Variants in CMYA5 observed in about 807,000 individuals in gnomAD.
CMYA5 encodes cardiomyopathy associated 5.
A neutral mutation model predicts 318.9 loss-of-function variants in CMYA5; 246 were observed. The ratio of observed to expected loss-of-function variants is 0.77; its 90% CI spans 0.70 to 0.86. The LOEUF is 0.86. CMYA5 is among the 40% of genes least tolerant of loss of function. The pLI is 0.00. For missense variants in CMYA5, 4,589 were observed against 4,678.2 expected (o/e 0.98, Z 0.56); for synonymous variants, 1,641 against 1,729.5 (o/e 0.95, Z 1.27).
intron 1 of CMYA5, among the ~76,000 whole-genome samples, chr5:79,722,746 C>G (rs1012668345): frequency 6.8e-6 from 1 of 147,526 alleles, no homozygotes; most frequent in East Asian, 2.0e-4. Context: ...ATCGAGATGA[C>G]ACAACCAGTA....
chr5:79,702,620 G>A (rs1472246309), intron 1 of CMYA5, among the ~76,000 whole-genome samples: 1 of 152,142 alleles, frequency 6.6e-6, no homozygotes, highest in Non-Finnish European at 1.5e-5. Context: ...AGGGATTAGG[G>A]GTGATGCTTT....
intron 1 of CMYA5, among the ~76,000 whole-genome samples, chr5:79,705,220 C>A (rs765672684): frequency 6.6e-6 from 1 of 152,138 alleles, no homozygotes; most frequent in Non-Finnish European, 1.5e-5. Flanking sequence ...TGCAGTGAGG[C>A]GAGATCGTGC....
intron 6 of CMYA5, among the ~76,000 whole-genome samples, chr5:79,753,316 TCCTGCCAGCTCTTCACAATA>T (rs1828467749): frequency 3.9e-5 from 6 of 152,168 alleles, no homozygotes; most frequent in African/African-American, 1.4e-4. Context: ...GTCAGAAGCA[TCCTGCCAGCTCTTCACAATA>T]TTTTTTAATG....
Position 79,726,814 on chromosome 5 carries a change from G to A in CMYA5, c.150-2101G>A, listed in dbSNP as rs1168611279. 5.9e-5 allele frequency among the ~76,000 whole-genome samples: 9 copies of A among 151,984 alleles called. No homozygotes were observed. In the South Asian group the frequency reaches 1.9e-3, roughly 32 times the overall value. On this transcript the variant is annotated intron_variant, in intron 1 of 12. Coordinates refer to ENST00000446378, the MANE Select transcript of CMYA5 (RefSeq NM_153610.5). ...GCACCTGCAAGGACTTATGGTCCTGGTCCCCACCCAACCTAACAAACCAGG... is the reference window on the plus strand; with the variant it reads ...GCACCTGCAAGGACTTATGGTCCTGATCCCCACCCAACCTAACAAACCAGG...
Position 79,702,367 on chromosome 5 carries a change from C to A in CMYA5, c.149+12311C>A, listed in dbSNP as rs201506959. Reference sequence around the variant, plus strand: ...GGCCACTGCACTCTAGCCTGGGCAACAGAGCAAGACCCTGTCTCAAAAAAA... The same window carrying A: ...GGCCACTGCACTCTAGCCTGGGCAAAAGAGCAAGACCCTGTCTCAAAAAAA... On this transcript the variant is annotated intron_variant, in intron 1 of 12. Coordinates refer to ENST00000446378, the MANE Select transcript of CMYA5 (RefSeq NM_153610.5). Among the ~76,000 whole-genome samples the A allele has an allele frequency of 2.0e-5, 3 of 151,914 alleles. No individual in the cohort carries two copies. The East Asian group carries it at 5.8e-4, about 29-fold the overall frequency.
Position 79,735,825 on chromosome 5 carries a change from C to T in CMYA5, c.7060C>T (p.Pro2354Ser), listed in dbSNP as rs756547618. The change falls in exon 2 of 13, where the codon CCA (proline) becomes TCA (serine). Residue 2354 changes from proline to serine, a missense_variant. Transcript: ENST00000446378. ...AGTCCAGAAGCCAGCAATCGCTCCT[C>T]CATCTAAATGGAATATTTCTATTTT... ...KRVQKPAIAPPSKWNISIFKE... is the reference protein window; with the variant it reads ...KRVQKPAIAPSSKWNISIFKE... 27 of 1,550,690 alleles carry T rather than the reference C, an allele frequency of 1.7e-5. No homozygotes were observed. Among genetic ancestry groups the T allele is most frequent in the Admixed American group, 8.7e-5 (4 of 46,002 alleles).
At chr5:79,760,371 T>A (rs1296107507) in intron 7 of CMYA5, among the ~76,000 whole-genome samples, 1 of 152,062 alleles carries the variant, frequency 6.6e-6, no homozygotes, top group African/African-American at 2.4e-5. Flanking sequence ...TTAAAGGGAG[T>A]GCCAGGGTAA....
intron 1 of CMYA5, among the ~76,000 whole-genome samples, chr5:79,718,466 T>C (rs577502390): frequency 2.0e-5 from 3 of 152,210 alleles, no homozygotes; most frequent in Non-Finnish European, 4.4e-5. Flanking sequence ...ACAATTGATA[T>C]TTAATGCATT....
At chr5:79,727,441 G>A (rs566926338) in intron 1 of CMYA5, among the ~76,000 whole-genome samples, 5 of 152,294 alleles carry the variant, frequency 3.3e-5, no homozygotes, top group African/African-American at 1.2e-4. Context: ...AACAGTTTAC[G>A]AAGGGACATA....
chr5:79,748,887 A>G (rs1313491499), intron 5 of CMYA5, among the ~76,000 whole-genome samples: 1 of 152,180 alleles, frequency 6.6e-6, no homozygotes, highest in African/African-American at 2.4e-5. Flanking sequence ...GTGCCATTCC[A>G]TCTATACTGG....
In CMYA5 at chr5:79,734,785, G is replaced by A. The variant is rs1304151610; in HGVS notation, c.6020G>A (p.Gly2007Glu). The A allele has an allele frequency of 6.8e-6, 11 of 1,613,650 alleles. No homozygotes were observed. Among genetic ancestry groups the A allele is most frequent in the African/African-American group, 2.7e-5 (2 of 74,908 alleles). Residue 2007 changes from glycine to glutamate, a missense_variant, in exon 2 of 13, where the codon GGG (glycine) becomes GAG (glutamate). By Grantham distance (98) the Gly-to-Glu change is moderately conservative. Transcript: ENST00000446378. ...AATGTAGAGAGAAACATAGCAGAGGGGAAGGAGATTCATTCTTTGATGGAG... is the reference window on the plus strand; with the variant it reads ...AATGTAGAGAGAAACATAGCAGAGGAGAAGGAGATTCATTCTTTGATGGAG... ...AGNVERNIAEGKEIHSLMESE... is the reference protein window; with the variant it reads ...AGNVERNIAEEKEIHSLMESE...
At chr5:79,775,939 C>T (rs1237337247) in intron 9 of CMYA5, among the ~76,000 whole-genome samples, 1 of 152,164 alleles carries the variant, frequency 6.6e-6, no homozygotes, top group Admixed American at 6.6e-5. Flanking sequence ...TGATACCATT[C>T]AGCCTTTGGA....
At chr5:79,724,876 A>C (rs960098385) in intron 1 of CMYA5, among the ~76,000 whole-genome samples, 1 of 152,080 alleles carries the variant, frequency 6.6e-6, no homozygotes, top group Non-Finnish European at 1.5e-5. Flanking sequence ...CTGTTTATTC[A>C]TGCTACATTT....
Position 79,735,432 on chromosome 5 carries a change from A to G in CMYA5, c.6667A>G (p.Ile2223Val), listed in dbSNP as rs930891503. The change falls in exon 2 of 13, where the codon ATT becomes GTT. Residue 2223 changes from isoleucine (I) to valine (V), a missense_variant. Coordinates refer to ENST00000446378, the MANE Select transcript of CMYA5 (RefSeq NM_153610.5). Reference protein sequence around the residue: ...AVTVIDPEGTIPTNFNVAEKP... With the variant: ...AVTVIDPEGTVPTNFNVAEKP... ...GACTGTGATAGATCCTGAAGGTACA[A>G]TTCCCACCAATTTTAATGTAGCTGA... 1 of 1,613,896 alleles carries G rather than the reference A, an allele frequency of 6.2e-7. No individual in the cohort carries two copies. Among genetic ancestry groups the G allele is most frequent in the Non-Finnish European group, 8.5e-7 (1 of 1,179,800 alleles).
At position 79,736,815 on chromosome 5, in the gene CMYA5, G is replaced by A; in HGVS notation, c.8050G>A (p.Gly2684Ser). 3 of 1,612,616 alleles carry A rather than the reference G, an allele frequency of 1.9e-6. No homozygotes were observed. The highest frequency in any genetic ancestry group is 2.5e-6 in the Non-Finnish European group (3 of 1,179,656). The change falls in exon 2 of 13, where the codon GGC (glycine) becomes AGC (serine). Residue 2684 changes from glycine to serine, a missense_variant. Around this residue, in one of 3 missense-constraint regions of CMYA5, gnomAD observed 2,431 missense variants for 2,495.1 expected, o/e 0.97. Coordinates refer to ENST00000446378, the MANE Select transcript of CMYA5 (RefSeq NM_153610.5). The part of the protein sequence containing the change: ...EQFRESELSK[G>S]GSVDITKETV... The stretch of plus-strand genomic sequence containing the variant: ...GTTCAGAGAGTCAGAGCTATCGAAA[G>A]GCGGTTCAGTAGATATCACAAAAGA...
chr5:79,700,932 G>T (rs1214920903), intron 1 of CMYA5, among the ~76,000 whole-genome samples: 2 of 151,858 alleles, frequency 1.3e-5, no homozygotes, highest in Non-Finnish European at 2.9e-5. Context: ...GATGAAGAGA[G>T]ATTGATTAAT....
chr5:79,784,572 T>C (rs1381423997), intron 9 of CMYA5, among the ~76,000 whole-genome samples: 1 of 91,432 alleles, frequency 1.1e-5, no homozygotes, highest in African/African-American at 5.0e-5. Context: ...TCAGCGAGAT[T>C]CCGTGGGCGT....
chr5:79,734,551 T>C lies in CMYA5; in HGVS notation c.5786T>C (p.Leu1929Pro). Residue 1929 changes from leucine (L) to proline (P), a missense_variant, in exon 2 of 13, where the codon CTC becomes CCC. Coordinates refer to ENST00000446378, the MANE Select transcript of CMYA5 (RefSeq NM_153610.5). ...SSSNELRPGQ[L>P]KAAVSSKDHT... ...AGCAATGAGCTGAGGCCAGGGCAGC[T>C]CAAGGCTGCTGTGTCCAGTAAGGAC... 1 of 1,613,874 alleles carries C rather than the reference T, an allele frequency of 6.2e-7. No homozygotes were observed. The highest frequency in any genetic ancestry group is 8.5e-7 in the Non-Finnish European group (1 of 1,179,824).
In CMYA5 at chr5:79,735,203, A is replaced by G. The variant is rs750504732; in HGVS notation, c.6438A>G (p.Pro2146=). Reference sequence around the variant, plus strand: ...TCCATGCAAGAGAGCCTCAATCCCCAGAGTCACCTGAGGTGACACAAAATC... The same window carrying G: ...TCCATGCAAGAGAGCCTCAATCCCCGGAGTCACCTGAGGTGACACAAAATC... The part of the protein sequence containing the change: ...SSIHAREPQS[P]ESPEVTQNPP... The change falls in exon 2 of 13, where the codon CCA becomes CCG. Residue 2146 remains proline (P), a synonymous_variant. Coordinates refer to ENST00000446378, the MANE Select transcript of CMYA5 (RefSeq NM_153610.5). 51 of 1,613,696 alleles carry G rather than the reference A, an allele frequency of 3.2e-5. No individual in the cohort carries two copies. In the Admixed American group the frequency reaches 8.5e-4, roughly 27 times the overall value.
Sources: gnomAD v4.1 joint callset for allele counts (sites outside exome capture counted in the v4.1 genomes callset) on GRCh38, gnomAD v4.1.1 for gene constraint, gnomAD v4.1.1 regional missense constraint, MANE v1.5 for transcripts, NCBI Gene and HGNC (gene_info 2026-07-23, HGNC 2026-07-21) for gene names.